Variants in RANBP17 observed in about 807,000 individuals in gnomAD.
The protein encoded by RANBP17 is ran-binding protein 17.
A neutral mutation model predicts 141.2 loss-of-function variants in RANBP17; 158 were observed. That is an observed-to-expected ratio of 1.12 (90% CI 0.98 to 1.28). The LOEUF (loss-of-function observed/expected upper bound fraction) is 1.28. Among genes scored for constraint, RANBP17 ranks in the 50% most tolerant of loss-of-function variants. The probability of loss-of-function intolerance (pLI) is 0.00; values close to 1 mark genes in which losing one functional copy is unlikely to be tolerated. For missense variants in RANBP17, 1,438 were observed against 1,290.7 expected (o/e 1.11, Z -1.75); for synonymous variants, 430 against 450.0 (o/e 0.96, Z 0.56).
intron 14 of RANBP17, among the ~76,000 whole-genome samples, chr5:171,063,745 G>T (rs1380074710): frequency 6.6e-6 from 1 of 152,198 alleles, no homozygotes; most frequent in Non-Finnish European, 1.5e-5. Context: ...CTTTTTGTTT[G>T]TCTGTGCCCT....
At chr5:171,238,861 C>T (rs1764700586) in intron 22 of RANBP17, among the ~76,000 whole-genome samples, 1 of 152,206 alleles carries the variant, frequency 6.6e-6, no homozygotes, top group Non-Finnish European at 1.5e-5. Context: ...GCCTTTCCCC[C>T]TGCCCTCCTG....
chr5:170,956,827 T>C (rs1050972798), intron 13 of RANBP17, among the ~76,000 whole-genome samples: 1 of 151,558 alleles, frequency 6.6e-6, no homozygotes, highest in Non-Finnish European at 1.5e-5. Context: ...ATCCCAGCAC[T>C]TTGGGAGGCC....
At chr5:170,916,033 TATTA>T (rs916840264) in intron 8 of RANBP17, among the ~76,000 whole-genome samples, 3 of 152,100 alleles carry the variant, frequency 2.0e-5, no homozygotes, top group African/African-American at 7.2e-5. Context: ...ATTTAGCTTT[TATTA>T]ATTTTATGTT....
Position 170,919,530 on chromosome 5 carries a change from ACCCCACC to A in RANBP17, c.1192_1198del (p.Pro398TyrfsTer2). The A allele has an allele frequency of 6.2e-7, 1 of 1,611,052 alleles. No homozygotes were observed. Among genetic ancestry groups the A allele is most frequent in the East Asian group, 2.2e-5 (1 of 44,714 alleles). On this transcript the variant is annotated frameshift_variant, in exon 11 of 28. Transcript: ENST00000523189. LOFTEE classifies it high-confidence loss of function. The stretch of plus-strand genomic sequence containing the variant: ...CTGTTCCTTTTGTGAAATCAACTGA[ACCCCACC>A]TATTAGACACTTATGCACCAGAAAT...
chr5:170,922,722 G>C (rs1772572670), intron 11 of RANBP17, among the ~76,000 whole-genome samples: 1 of 152,172 alleles, frequency 6.6e-6, no homozygotes, highest in Admixed American at 6.5e-5. Context: ...GATACAGTCT[G>C]TCACGGCTTC....
In RANBP17 at chr5:170,980,424, C is replaced by T. The variant is rs1777680792; in HGVS notation, c.1710+12047C>T. 2.6e-5 allele frequency among the ~76,000 whole-genome samples: 4 copies of T among 152,198 alleles called. 1 individual carries two copies. In the South Asian group the frequency reaches 8.3e-4, roughly 32 times the overall value. On this transcript the variant is annotated intron_variant, in intron 14 of 27. Transcript: ENST00000523189. ...GTCAGAGACCTTTGTGGGAGCCCCT[C>T]CCATCACAGGCTCAGAGGCCTAGGA...
chr5:170,960,810 G>A (rs982708784), intron 13 of RANBP17, among the ~76,000 whole-genome samples: 1 of 152,322 alleles, frequency 6.6e-6, no homozygotes, highest in Non-Finnish European at 1.5e-5. Context: ...GCTCCTGCCT[G>A]TCCCATTAGC....
intron 16 of RANBP17, among the ~76,000 whole-genome samples, chr5:171,175,073 G>C (rs1229810023): frequency 1.3e-5 from 2 of 152,004 alleles, no homozygotes; most frequent in African/African-American, 4.8e-5. Context: ...TCCCGTGTTA[G>C]TTTGCTGAGA....
At chr5:170,959,288 A>G (rs1286296376) in intron 13 of RANBP17, among the ~76,000 whole-genome samples, 1 of 152,106 alleles carries the variant, frequency 6.6e-6, no homozygotes, top group Non-Finnish European at 1.5e-5. Flanking sequence ...CTGATCAGAT[A>G]ATATTTCTCC....
chr5:171,136,184 A>C (rs1317456959), intron 14 of RANBP17, among the ~76,000 whole-genome samples: 1 of 152,124 alleles, frequency 6.6e-6, no homozygotes, highest in Non-Finnish European at 1.5e-5. Context: ...TCAAAATAAC[A>C]TTTTTTTCCT....
chr5:170,981,588 A>T (rs1777779402), intron 14 of RANBP17, among the ~76,000 whole-genome samples: 1 of 151,420 alleles, frequency 6.6e-6, no homozygotes, highest in African/African-American at 2.4e-5. Context: ...GCCACTATCC[A>T]TGTAAGACGT....
At chr5:171,203,946 G>C (rs1340334172) in intron 19 of RANBP17, among the ~76,000 whole-genome samples, 2 of 152,126 alleles carry the variant, frequency 1.3e-5, no homozygotes, top group Non-Finnish European at 2.9e-5. Flanking sequence ...GTTTGAAGAA[G>C]GCTTCTTAGA....
chr5:171,209,159 T>C (rs752697986), intron 20 of RANBP17, among the ~76,000 whole-genome samples: 1 of 152,192 alleles, frequency 6.6e-6, no homozygotes, highest in African/African-American at 2.4e-5. Flanking sequence ...TCCTTGGGTC[T>C]TAACCAAATA....
chr5:170,935,047 T>A (rs969607256), intron 12 of RANBP17, among the ~76,000 whole-genome samples: 5 of 152,232 alleles, frequency 3.3e-5, no homozygotes, highest in Non-Finnish European at 7.3e-5. Flanking sequence ...TAACTTCATT[T>A]CATTCATTTG....
intron 14 of RANBP17, among the ~76,000 whole-genome samples, chr5:170,986,471 G>T (rs561069262): frequency 2.6e-5 from 4 of 151,758 alleles, no homozygotes; most frequent in Non-Finnish European, 5.9e-5. Context: ...AACACAAATG[G>T]CAAATGCTTG....
chr5:171,102,571 C>T (rs753435229), intron 14 of RANBP17, among the ~76,000 whole-genome samples: 14 of 152,112 alleles, frequency 9.2e-5, no homozygotes, highest in South Asian at 2.1e-4. Flanking sequence ...TTTGTTATTA[C>T]GCACTTTCTG....
At chr5:171,278,257 G>A (rs939044003) in intron 25 of RANBP17, among the ~76,000 whole-genome samples, 3 of 152,026 alleles carry the variant, frequency 2.0e-5, no homozygotes, top group African/African-American at 4.8e-5. Flanking sequence ...GGTGGCTCAC[G>A]CCTGTAATCT....
At chr5:170,944,119 TTAG>T (rs894465810) in intron 12 of RANBP17, among the ~76,000 whole-genome samples, 2 of 152,210 alleles carry the variant, frequency 1.3e-5, no homozygotes, top group African/African-American at 4.8e-5. Flanking sequence ...TTTCTTTCTG[TTAG>T]TAGCTAATTT....
chr5:170,993,939 G>T (rs892523068), intron 14 of RANBP17, among the ~76,000 whole-genome samples: 1 of 151,942 alleles, frequency 6.6e-6, no homozygotes, highest in Non-Finnish European at 1.5e-5. Flanking sequence ...CCAGTCTATT[G>T]TATCTCTCTT....
Sources: gnomAD v4.1 joint callset for allele counts (sites outside exome capture counted in the v4.1 genomes callset) on GRCh38, gnomAD v4.1.1 for gene constraint, MANE v1.5 for transcripts, NCBI Gene and HGNC (gene_info 2026-07-23, HGNC 2026-07-21) for gene names.